The following CLINT1 variants were observed in gnomAD, a reference collection of about 807,000 sequenced individuals.
CLINT1 encodes clathrin interacting protein localized in the trans-Golgi region.
Under a neutral mutation model 70.4 loss-of-function variants are expected in CLINT1, and 15 were observed. The observed-to-expected ratio is 0.21, with a 90% CI of 0.14 to 0.33. The LOEUF is 0.33. Among genes scored for constraint, CLINT1 ranks in the 10% least tolerant of loss-of-function variants. The probability of loss-of-function intolerance (pLI) is 1.00; values close to 1 mark genes in which losing one functional copy is unlikely to be tolerated. For synonymous variants in CLINT1, 227 were observed against 254.7 expected (o/e 0.89, Z 1.04); for missense variants, 615 against 778.1 (o/e 0.79, Z 2.49).
intron 1 of CLINT1, among the ~76,000 whole-genome samples, chr5:157,856,650 C>T (rs187903703): frequency 1.1e-4 from 17 of 152,292 alleles, no homozygotes; most frequent in Admixed American, 1.1e-3. Flanking sequence ...AATTTCTTCT[C>T]TTCTTGCCAG....
intron 1 of CLINT1, among the ~76,000 whole-genome samples, chr5:157,837,649 C>CTTTTTTTTTTTTTT (rs202044066): frequency 7.9e-5 from 11 of 138,540 alleles, no homozygotes; most frequent in African/African-American, 1.4e-4. Context: ...AGCTCTTTTA[C>CTTTTTTTTTTTTTT]TTTTTTTTTT....
chr5:157,855,012 T>C (rs1457329782), intron 1 of CLINT1, among the ~76,000 whole-genome samples: 1 of 151,104 alleles, frequency 6.6e-6, no homozygotes, highest in African/African-American at 2.4e-5. Context: ...GGCATGGAGG[T>C]AGACGCCTGT....
chr5:157,803,493 A>G (rs1389893903), intron 8 of CLINT1, among the ~76,000 whole-genome samples, 157 bp downstream of exon 8: 5 of 152,232 alleles, frequency 3.3e-5, no homozygotes, highest in Non-Finnish European at 7.3e-5. Flanking sequence ...ATAAGCAAAA[A>G]TAACACAATG....
In CLINT1 at chr5:157,787,349, A is replaced by G. The variant is rs887155186; in HGVS notation, c.*297T>C. 1 of 364,954 alleles carries G rather than the reference A, an allele frequency of 2.7e-6. No homozygotes were observed. 22.6% of individuals were successfully genotyped at this position (364,954 alleles called of 1,614,324 possible). On this transcript the variant is annotated 3_prime_UTR_variant, in exon 12 of 12. Coordinates refer to ENST00000411809, the MANE Select transcript of CLINT1 (RefSeq NM_014666.4). ...TCAGCCCTATTCCAGTCTTCCCACA[A>G]ATTATGCTGTTAAATGGACTCTTCA...
At chr5:157,802,078 A>T (rs958687081) in intron 8 of CLINT1, among the ~76,000 whole-genome samples, 1 of 152,090 alleles carries the variant, frequency 6.6e-6, no homozygotes, top group Non-Finnish European at 1.5e-5. Flanking sequence ...TAGTTTTAGT[A>T]GAGACAGGGT....
intron 1 of CLINT1, among the ~76,000 whole-genome samples, chr5:157,821,172 C>T (rs1216424734): frequency 1.3e-5 from 2 of 149,342 alleles, no homozygotes; most frequent in Non-Finnish European, 3.0e-5. Context: ...ATGTAATTAT[C>T]ATTATAACAC....
chr5:157,807,498 T>C (rs10066365), intron 6 of CLINT1, among the ~76,000 whole-genome samples: 2,017 of 152,202 alleles, frequency 0.013, 53 homozygotes, highest in African/African-American at 0.045. Context: ...CTGAATGTAA[T>C]AGTGAACTAA....
chr5:157,801,043 G>A lies in CLINT1; in HGVS notation c.1012+2607C>T, dbSNP rs1484006807. Among the ~76,000 whole-genome samples the A allele has an allele frequency of 2.0e-5, 3 of 152,174 alleles. No individual in the cohort carries two copies. In the South Asian group the frequency reaches 6.2e-4, roughly 31 times the overall value. ...TTATATGACTACATGCTAACTACCAGTTAATTCTACAGTTCAAATCTTAAA... is the reference window on the plus strand; with the variant it reads ...TTATATGACTACATGCTAACTACCAATTAATTCTACAGTTCAAATCTTAAA... On this transcript the variant is annotated intron_variant, in intron 8 of 11. Transcript: ENST00000411809.
chr5:157,858,815 G>T, intron 1 of CLINT1, 115 bp downstream of exon 1: 1 of 1,148,548 alleles, frequency 8.7e-7, no homozygotes. Context: ...CGCCATGATG[G>T]GGCTGGCAGA....
At chr5:157,799,335 A>C (rs1762149200) in intron 8 of CLINT1, among the ~76,000 whole-genome samples, 1 of 152,166 alleles carries the variant, frequency 6.6e-6, no homozygotes, top group Non-Finnish European at 1.5e-5. Flanking sequence ...GTTCATGTAA[A>C]TGTCTTCAAC....
In CLINT1 at chr5:157,788,007, C is replaced by G; in HGVS notation, c.1532-15G>C. ...CTGCTGCATATCTACCAGACGAAAACAGACAGAAGAACTTTACCACAATAA... is the reference window on the plus strand; with the variant it reads ...CTGCTGCATATCTACCAGACGAAAAGAGACAGAAGAACTTTACCACAATAA... On this transcript the variant is annotated splice_polypyrimidine_tract_variant and intron_variant, in intron 11 of 11. Coordinates refer to ENST00000411809, the MANE Select transcript of CLINT1 (RefSeq NM_014666.4). The G allele has an allele frequency of 8.9e-6, 14 of 1,579,506 alleles. No individual in the cohort carries two copies. Among genetic ancestry groups the G allele is most frequent in the Non-Finnish European group, 1.2e-5 (14 of 1,158,972 alleles).
intron 11 of CLINT1, 104 bp from the exon 12 acceptor site, chr5:157,788,096 C>T: frequency 2.2e-6 from 2 of 902,982 alleles, no homozygotes; most frequent in African/African-American, 1.6e-5. Flanking sequence ...CTTCTTTAGC[C>T]CCAATAAAAT....
chr5:157,803,169 G>C (rs2113167013), intron 8 of CLINT1, among the ~76,000 whole-genome samples: 1 of 152,238 alleles, frequency 6.6e-6, no homozygotes, highest in South Asian at 2.1e-4. Context: ...AGAAAGTAAA[G>C]GCAACAGTTT....
At chr5:157,802,460 C>G (rs1389287924) in intron 8 of CLINT1, among the ~76,000 whole-genome samples, 1 of 151,854 alleles carries the variant, frequency 6.6e-6, no homozygotes, top group Non-Finnish European at 1.5e-5. Flanking sequence ...AAATCTAGCA[C>G]ATACTGGAAA....
chr5:157,858,899 G>A, intron 1 of CLINT1, 31 bp downstream of exon 1: 1 of 1,478,378 alleles, frequency 6.8e-7, no homozygotes, highest in Non-Finnish European at 9.0e-7. Context: ...CCCCACGTGG[G>A]CCTCGGCCAC....
At chr5:157,818,467 T>TAAA (rs929415179) in intron 1 of CLINT1, among the ~76,000 whole-genome samples, 52 of 88,330 alleles carry the variant, frequency 5.9e-4, no homozygotes, top group African/African-American at 1.4e-3. Context: ...ACCTGGTCTC[T>TAAA]AAAAAAAAAA....
At chr5:157,844,580 T>C (rs766975530) in intron 1 of CLINT1, among the ~76,000 whole-genome samples, 7 of 152,210 alleles carry the variant, frequency 4.6e-5, no homozygotes, top group Non-Finnish European at 8.8e-5. Flanking sequence ...GTATAACGTC[T>C]AGATGTTTAC....
intron 1 of CLINT1, among the ~76,000 whole-genome samples, chr5:157,823,456 G>A (rs1145590): frequency 0.13 from 20,357 of 152,008 alleles, 1,792 homozygotes; most frequent in African/African-American, 0.25. Context: ...GTTTTATCAG[G>A]TTAATAAGTG....
chr5:157,858,837 T>C, intron 1 of CLINT1, 93 bp downstream of exon 1: 1 of 1,357,794 alleles, frequency 7.4e-7, no homozygotes, highest in Non-Finnish European at 1.0e-6. Context: ...CCAGGGGGCG[T>C]GACGTGGGCA....
Sources: allele counts gnomAD v4.1 joint callset (sites outside exome capture counted in the v4.1 genomes callset), GRCh38; gene constraint gnomAD v4.1.1; transcripts MANE v1.5; gene names NCBI Gene and HGNC (gene_info 2026-07-23, HGNC 2026-07-21).